The following ADGRF5 variants were observed in gnomAD, a reference collection of about 807,000 sequenced individuals.
ADGRF5 encodes the protein G-protein coupled receptor 116.
ADGRF5 carries 75 observed loss-of-function variants against 132.3 expected under a neutral mutation model. The ratio of observed to expected loss-of-function variants is 0.57; its 90% CI spans 0.47 to 0.69. The LOEUF is 0.69. ADGRF5 is among the 30% of genes least tolerant of loss of function. The pLI is 0.00. For missense variants in ADGRF5, 1,516 were observed against 1,630.6 expected, an observed-to-expected ratio of 0.93 and a Z score of 1.21; for synonymous variants, 629 against 597.6, an observed-to-expected ratio of 1.05 and a Z score of -0.77.
chr6:46,926,644 G>C (rs1246716065), upstream of ADGRF5, among the ~76,000 whole-genome samples: 2 of 152,132 alleles, frequency 1.3e-5, no homozygotes, highest in Non-Finnish European at 2.9e-5. Context: ...ATGACATGCT[G>C]TCTATGTAGC....
chr6:46,922,976 G>C (rs1340838872), upstream of ADGRF5, among the ~76,000 whole-genome samples: 2 of 152,224 alleles, frequency 1.3e-5, no homozygotes, highest in Non-Finnish European at 2.9e-5. Flanking sequence ...TCCCAGGCTA[G>C]AGTCCAGTGG....
chr6:46,927,706 C>G (rs2150932476), intron 1 of ADGRF5, among the ~76,000 whole-genome samples: 1 of 152,236 alleles, frequency 6.6e-6, no homozygotes, highest in Middle Eastern at 3.4e-3. Context: ...AGAAGTAGAC[C>G]AGCACCAGTT....
chr6:46,916,434 T>G (rs1776421085), intron 1 of ADGRF5, among the ~76,000 whole-genome samples: 1 of 152,260 alleles, frequency 6.6e-6, no homozygotes, highest in East Asian at 1.9e-4. Flanking sequence ...ACACAAGAAG[T>G]GGTGCAGGAG....
At position 46,906,638 on chromosome 6, in the gene ADGRF5, T is replaced by C. The variant is rs201458778; in HGVS notation, c.102+23A>G. ...CAGAAAAATGTGACAAGAAAAATTATAGCAGATATGGATATAACTCACCAA... is the reference window on the plus strand; with the variant it reads ...CAGAAAAATGTGACAAGAAAAATTACAGCAGATATGGATATAACTCACCAA... On this transcript the variant is annotated intron_variant, in intron 2 of 20. Transcript: ENST00000283296. The C allele has an allele frequency of 2.3e-4, 267 of 1,152,818 alleles. 1 individual carries two copies. Among genetic ancestry groups the C allele is most frequent in the Non-Finnish European group, 3.1e-4 (240 of 776,050 alleles). 71.4% of individuals were successfully genotyped at this position (1,152,818 alleles called of 1,614,324 possible).
upstream of ADGRF5, among the ~76,000 whole-genome samples, chr6:46,926,051 G>A (rs1052300858): frequency 1.3e-5 from 2 of 152,150 alleles, no homozygotes; most frequent in East Asian, 1.9e-4. Context: ...TACAAGGAAG[G>A]AACTGGCAAA....
At chr6:46,897,709 G>T (rs899550296) in intron 3 of ADGRF5, among the ~76,000 whole-genome samples, 2 of 152,126 alleles carry the variant, frequency 1.3e-5, no homozygotes, top group Admixed American at 6.5e-5. Context: ...TGAGTAGCTG[G>T]GAATACGACT....
At chr6:46,873,553 C>G (rs746394552) in intron 10 of ADGRF5, among the ~76,000 whole-genome samples, 2 of 152,106 alleles carry the variant, frequency 1.3e-5, no homozygotes, top group Non-Finnish European at 2.9e-5. Context: ...CCCTTTCAGG[C>G]TCTTTTCCTT....
intron 10 of ADGRF5, among the ~76,000 whole-genome samples, chr6:46,875,335 C>T (rs918809516): frequency 3.9e-5 from 6 of 152,184 alleles, no homozygotes; most frequent in African/African-American, 1.4e-4. Context: ...TGGTACTTTG[C>T]TTTCTGGAGA....
At chr6:46,880,934 T>C (rs1488047326) in intron 8 of ADGRF5, among the ~76,000 whole-genome samples, 2 of 150,228 alleles carry the variant, frequency 1.3e-5, no homozygotes, top group Non-Finnish European at 3.0e-5. Context: ...CTACAAAAAA[T>C]AATAAAAAAA....
At chr6:46,954,681 G>C (rs1778654452) in intron 1 of ADGRF5, 1 of 152,202 alleles carries the variant, frequency 6.6e-6, no homozygotes, top group Non-Finnish European at 1.5e-5. Context: ...ATCTATTCCA[G>C]AGCAGCCGGA....
intron 1 of ADGRF5, among the ~76,000 whole-genome samples, chr6:46,910,999 A>G (rs1241055875): frequency 6.6e-6 from 1 of 152,194 alleles, no homozygotes; most frequent in African/African-American, 2.4e-5. Flanking sequence ...TTAACTTCTG[A>G]GAATAATCAT....
rs1773038905 is a variant in ADGRF5 at position 46,886,050 on chromosome 6, T to A, written c.329-1779A>T. ...AGGTGTGAACAGCCTACATGAACTC[T>A]GCTCTCATTGGAGACAGTAAGAAAT... On this transcript the variant is annotated intron_variant, in intron 4 of 20. Transcript: ENST00000283296. Among the ~76,000 whole-genome samples, 6 of 152,340 alleles carry A rather than the reference T, an allele frequency of 3.9e-5. No individual in the cohort carries two copies. In the East Asian group the frequency reaches 1.2e-3, roughly 29 times the overall value.
intron 1 of ADGRF5, among the ~76,000 whole-genome samples, chr6:46,917,902 A>G (rs111664384): frequency 2.0e-5 from 3 of 152,388 alleles, no homozygotes; most frequent in African/African-American, 7.2e-5. Flanking sequence ...TATAATAATT[A>G]AAACAAATTC....
rs1472562047 is a variant in ADGRF5, at chr6:46,858,326, C to A, written c.3577G>T (p.Val1193Phe). The A allele has an allele frequency of 6.2e-7, 1 of 1,613,716 alleles. No homozygotes were observed. Among genetic ancestry groups the A allele is most frequent in the African/African-American group, 1.3e-5 (1 of 74,826 alleles). ...GAAGGCCTCAGGATCTTGGTGATGACCACAATAGTGATGGTTATGTTCACC... is the reference window on the plus strand; with the variant it reads ...GAAGGCCTCAGGATCTTGGTGATGAACACAATAGTGATGGTTATGTTCACC... The part of the protein sequence containing the change: ...VVVNITITIV[V>F]ITKILRPSIG... Residue 1193 changes from valine to phenylalanine, a missense_variant, in exon 17 of 21, where the codon GTC becomes TTC. Around this residue, in one of 2 missense-constraint regions of ADGRF5, gnomAD observed 571 missense variants for 701.2 expected, o/e 0.81. Transcript: ENST00000283296.
intron 1 of ADGRF5, among the ~76,000 whole-genome samples, chr6:46,931,368 A>C (rs1777548227): frequency 6.6e-6 from 1 of 152,174 alleles, no homozygotes; most frequent in Non-Finnish European, 1.5e-5. Context: ...CCAGCCTCAA[A>C]GTCAGTCAAA....
At chr6:46,867,801 G>A (rs1770617101) in intron 12 of ADGRF5, among the ~76,000 whole-genome samples, 1 of 152,178 alleles carries the variant, frequency 6.6e-6, no homozygotes, top group Non-Finnish European at 1.5e-5. Flanking sequence ...TGCTGCGGGG[G>A]GGAAGAGGGA....
intron 10 of ADGRF5, among the ~76,000 whole-genome samples, chr6:46,876,793 T>C (rs1161146405): frequency 6.6e-6 from 1 of 152,180 alleles, no homozygotes; most frequent in African/African-American, 2.4e-5. Flanking sequence ...TTAGTAGAGA[T>C]GGGGTTTCAC....
At chr6:46,879,701 A>T in intron 9 of ADGRF5, 117 bp downstream of exon 9, 1 of 728,362 alleles carries the variant, frequency 1.4e-6, no homozygotes. Context: ...GAACCAGGAG[A>T]CTTATTTTGG....
Position 46,884,097 on chromosome 6 carries a change from TC to T in ADGRF5, c.502del (p.Glu168LysfsTer5). The T allele has an allele frequency of 3.1e-6, 5 of 1,613,330 alleles. No homozygotes were observed. Among genetic ancestry groups the T allele is most frequent in the Non-Finnish European group, 4.2e-6 (5 of 1,179,404 alleles). On this transcript the variant is annotated frameshift_variant, in exon 5 of 21. Coordinates refer to ENST00000283296, the MANE Select transcript of ADGRF5 (RefSeq NM_001098518.2). LOFTEE classifies it high-confidence loss of function. ...PPNGPFCLLQ[E>X]DVTLNMRVRL... ...GCATTTAATGAGCAGTTACTTACCT[TC>T]CTGAAGCAGGCAAAAAGGTCCATTG...
Sources: gnomAD v4.1 joint callset for allele counts (sites outside exome capture counted in the v4.1 genomes callset) on GRCh38, gnomAD v4.1.1 for gene constraint, gnomAD v4.1.1 regional missense constraint, MANE v1.5 for transcripts, NCBI Gene and HGNC (gene_info 2026-07-23, HGNC 2026-07-21) for gene names.